SGCD: variants seen among roughly 807,000 people sequenced by gnomAD.
The protein encoded by SGCD is sarcoglycan delta.
In SGCD, 18 loss-of-function variants were observed where a neutral mutation model predicts 36.6. The observed-to-expected ratio is 0.49, with a 90% CI of 0.34 to 0.73. SGCD has a LOEUF of 0.73. Ranked by LOEUF, SGCD falls within the 30% of genes least tolerant of loss-of-function variation. SGCD has a pLI of 0.01. For synonymous variants in SGCD, 133 were observed against 130.6 expected, an observed-to-expected ratio of 1.02 and a Z score of -0.12; for missense variants, 387 against 346.7, an observed-to-expected ratio of 1.12 and a Z score of -0.92.
chr5:156,510,830 A>T (rs1581098313), intron 4 of SGCD, among the ~76,000 whole-genome samples: 1 of 152,334 alleles, frequency 6.6e-6, no homozygotes, highest in East Asian at 1.9e-4. Context: ...TCCTGAAATA[A>T]GTTTCCTTGG....
At chr5:156,608,156 T>C (rs1186146379) in intron 6 of SGCD, among the ~76,000 whole-genome samples, 2 of 152,214 alleles carry the variant, frequency 1.3e-5, no homozygotes, top group Non-Finnish European at 2.9e-5. Flanking sequence ...TTTTAGATCT[T>C]TCCTGCTTTC....
At chr5:156,120,396 A>G (rs1762009786) in intron 2 of SGCD, among the ~76,000 whole-genome samples, 1 of 152,148 alleles carries the variant, frequency 6.6e-6, no homozygotes. Flanking sequence ...ATAATCAACA[A>G]ATTTGTAGGA....
At chr5:155,750,104 A>G in the SGCD span, among the ~76,000 whole-genome samples, 2 of 152,184 alleles carry the variant, frequency 1.3e-5, no homozygotes, top group African/African-American at 4.8e-5. Context: ...TTTAGTTTAA[A>G]AGTTTAGTCT....
chr5:156,242,162 A>G (rs912417401), intron 3 of SGCD, among the ~76,000 whole-genome samples: 1 of 152,236 alleles, frequency 6.6e-6, no homozygotes. Context: ...ACTGTGGCAT[A>G]TTATTCAGAA....
chr5:156,726,744 C>G (rs1755793964), intron 7 of SGCD, among the ~76,000 whole-genome samples: 1 of 152,182 alleles, frequency 6.6e-6, no homozygotes, highest in Non-Finnish European at 1.5e-5. Flanking sequence ...AATTCTCTTA[C>G]AATAACTGCT....
At chr5:156,150,999 A>G (rs1762820772) in intron 3 of SGCD, among the ~76,000 whole-genome samples, 1 of 151,724 alleles carries the variant, frequency 6.6e-6, no homozygotes, top group South Asian at 2.1e-4. Flanking sequence ...AAACATAAAA[A>G]AGGTAAAAAA....
In SGCD at chr5:156,705,567, A is replaced by T. The variant is rs1215128926; in HGVS notation, c.576-52014A>T. Reference sequence around the variant, plus strand: ...GATACAAATCCAAAGATTTTAGAAGATACTATATCATCTTAAATGTGATTA... The same window carrying T: ...GATACAAATCCAAAGATTTTAGAAGTTACTATATCATCTTAAATGTGATTA... On this transcript the variant is annotated intron_variant, in intron 7 of 8. Transcript: ENST00000337851. 3.3e-5 allele frequency among the ~76,000 whole-genome samples: 5 copies of T among 152,158 alleles called. No homozygotes were observed. In the East Asian group the frequency reaches 7.7e-4, roughly 23 times the overall value.
intron 7 of SGCD, among the ~76,000 whole-genome samples, chr5:156,677,404 C>G (rs1269686394): frequency 6.6e-6 from 1 of 152,002 alleles, no homozygotes; most frequent in African/African-American, 2.4e-5. Context: ...TCTGAGAAAA[C>G]TATCGCAAGG....
At chr5:155,971,845 G>A (rs1297892190) in intron 1 of SGCD, among the ~76,000 whole-genome samples, 1 of 152,082 alleles carries the variant, frequency 6.6e-6, no homozygotes, top group Admixed American at 6.6e-5. Context: ...TTTACTTGTG[G>A]ATAAATTTTG....
rs1375642959 is a variant in SGCD at position 156,406,809 on chromosome 5, TATATATATATACACACACAC to T, written c.192+62134_192+62153del. On this transcript the variant is annotated intron_variant, in intron 3 of 8. Transcript: ENST00000337851. ...GAGATTTTATATATATATATATATA[TATATATATATACACACACAC>T]ACACACACACACATATATATGTGTA... Among the ~76,000 whole-genome samples, 9 of 102,050 alleles carry T rather than the reference TATATATATATACACACACAC, an allele frequency of 8.8e-5. 1 individual carries two copies. The highest frequency in any genetic ancestry group is 3.6e-4 in the African/African-American group (8 of 21,942). 66.9% of individuals were successfully genotyped at this position (102,050 alleles called of 152,430 possible). A position where few individuals can be genotyped will look rare whatever the true frequency, so the allele number is the denominator to read the frequency against.
At chr5:155,867,479 CAAATG>C (rs1755546217), upstream of SGCD, among the ~76,000 whole-genome samples, 1 of 152,070 alleles carries the variant, frequency 6.6e-6, no homozygotes, top group African/African-American at 2.4e-5. Context: ...TCAACCTAGC[CAAATG>C]AAATGGAGGT....
chr5:156,246,535 T>C (rs920934956), intron 3 of SGCD, among the ~76,000 whole-genome samples: 2 of 152,152 alleles, frequency 1.3e-5, no homozygotes, highest in Non-Finnish European at 2.9e-5. Flanking sequence ...TCACATATGC[T>C]GAACAGATTG....
intron 3 of SGCD, among the ~76,000 whole-genome samples, chr5:156,281,135 TGTTG>T (rs1766442208): frequency 6.6e-6 from 1 of 152,204 alleles, no homozygotes; most frequent in South Asian, 2.1e-4. Context: ...GGAATTTACA[TGTTG>T]GTATTTTTGA....
At chr5:155,854,461 G>A in the SGCD span, among the ~76,000 whole-genome samples, 41 of 151,952 alleles carry the variant, frequency 2.7e-4, no homozygotes, top group African/African-American at 7.0e-4. Context: ...GCTTTTTTTC[G>A]TGGATGTAAA....
chr5:156,345,840 G>A (rs1768911395), intron 3 of SGCD, among the ~76,000 whole-genome samples: 1 of 151,938 alleles, frequency 6.6e-6, no homozygotes, highest in African/African-American at 2.4e-5. Context: ...AAATTACAAA[G>A]TTCATTTTTA....
chr5:156,707,334 C>T (rs1754786606), intron 7 of SGCD, among the ~76,000 whole-genome samples: 1 of 152,154 alleles, frequency 6.6e-6, no homozygotes, highest in Non-Finnish European at 1.5e-5. Context: ...ATAAAGTTAT[C>T]TCTTTAGACT....
At chr5:156,734,685 C>T (rs1300716891) in intron 7 of SGCD, among the ~76,000 whole-genome samples, 1 of 152,058 alleles carries the variant, frequency 6.6e-6, no homozygotes, top group Non-Finnish European at 1.5e-5. Flanking sequence ...TTATAAAATT[C>T]TTGTAGTCTG....
At chr5:156,253,572 C>A (rs537198870) in intron 3 of SGCD, among the ~76,000 whole-genome samples, 1 of 152,274 alleles carries the variant, frequency 6.6e-6, no homozygotes, top group East Asian at 1.9e-4. Flanking sequence ...TAGAAGGCTT[C>A]CTATCGCCGT....
chr5:156,477,684 G>T, intron 3 of SGCD, among the ~76,000 whole-genome samples: 1 of 48,754 alleles, frequency 2.1e-5, no homozygotes, highest in African/African-American at 1.0e-4. Flanking sequence ...AAGTATTTGA[G>T]CAAAAAAAAA....
Sources: gnomAD v4.1 joint callset for allele counts (sites outside exome capture counted in the v4.1 genomes callset) on GRCh38, gnomAD v4.1.1 for gene constraint, MANE v1.5 for transcripts, NCBI Gene and HGNC (gene_info 2026-07-23, HGNC 2026-07-21) for gene names.